The following GRIA4 variants were observed in gnomAD, a reference collection of about 807,000 sequenced individuals.
GRIA4 encodes glutamate receptor 4.
Under a neutral mutation model 104.0 loss-of-function variants are expected in GRIA4, and 34 were observed. The ratio of observed to expected loss-of-function variants is 0.33; its 90% CI spans 0.25 to 0.44. The LOEUF is 0.44. Among genes scored for constraint, GRIA4 ranks in the 20% least tolerant of loss-of-function variants. GRIA4 has a pLI of 1.00. For missense variants in GRIA4, 750 were observed against 1,096.5 expected (o/e 0.68, Z 4.46); for synonymous variants, 386 against 381.9 (o/e 1.01, Z -0.13).
At chr11:105,826,538 T>A (rs1037033160) in intron 4 of GRIA4, among the ~76,000 whole-genome samples, 1 of 152,094 alleles carries the variant, frequency 6.6e-6, no homozygotes, top group African/African-American at 2.4e-5. Context: ...AGGTTTGTCA[T>A]GATAGATTGC....
chr11:105,852,545 T>C (rs1939146), intron 4 of GRIA4, among the ~76,000 whole-genome samples: 86,926 of 151,934 alleles, frequency 0.57, 25,875 homozygotes, highest in African/African-American at 0.76. Context: ...CTACCACTGA[T>C]CCCATCATTT....
In GRIA4 at chr11:105,903,974, T is replaced by C; in HGVS notation, c.1046T>C (p.Leu349Pro). ...WGQGIDMERT[L>P]KQVRIQGLTG... ...CAGGGAATTGACATGGAGAGGACAC[T>C]CAAACAGGTAACTCACAATTTTATT... Residue 349 changes from leucine to proline, a missense_variant, in exon 8 of 17, where the codon CTC becomes CCC. By Grantham distance (98) the Leu-to-Pro change is moderately conservative. Transcript: ENST00000282499. 1 of 1,594,308 alleles carries C rather than the reference T, an allele frequency of 6.3e-7. No homozygotes were observed.
At position 105,931,265 on chromosome 11, in the gene GRIA4, T is replaced by TACACACACAC. The variant is rs373334457; in HGVS notation, c.2047-2428_2047-2419dup. Reference sequence around the variant, plus strand: ...CAGAAGTATCCTGTCATTGCCTAAATACACACACACACACACACACACACA... The same window carrying TACACACACAC: ...CAGAAGTATCCTGTCATTGCCTAAATACACACACACACACACACACACACACACACACACA... On this transcript the variant is annotated intron_variant, in intron 13 of 16. Transcript: ENST00000282499. Among the ~76,000 whole-genome samples, 607 of 143,784 alleles carry TACACACACAC rather than the reference T, an allele frequency of 4.2e-3. 7 individuals are homozygous for TACACACACAC. The highest frequency in any genetic ancestry group is 0.014 in the African/African-American group (563 of 39,432). 94.3% of individuals were successfully genotyped at this position (143,784 alleles called of 152,430 possible).
At chr11:105,971,804 A>G (rs1858709774) in intron 14 of GRIA4, 110 bp from the exon 15 acceptor site, 1 of 648,878 alleles carries the variant, frequency 1.5e-6, no homozygotes, top group Admixed American at 2.3e-5. Context: ...AAGACATAGC[A>G]CCTACTGTGG....
chr11:105,614,617 T>A, intron 3 of GRIA4, among the ~76,000 whole-genome samples: 1 of 152,030 alleles, frequency 6.6e-6, no homozygotes, highest in East Asian at 1.9e-4. Context: ...ATATTTGTTA[T>A]AATCACATAC....
At chr11:105,715,201 T>C (rs928687614) in intron 3 of GRIA4, among the ~76,000 whole-genome samples, 3 of 152,224 alleles carry the variant, frequency 2.0e-5, no homozygotes, top group African/African-American at 7.2e-5. Context: ...ATCATGACAA[T>C]GGTCATAATC....
chr11:105,664,315 C>T (rs150757090), intron 3 of GRIA4, among the ~76,000 whole-genome samples: 31 of 149,538 alleles, frequency 2.1e-4, no homozygotes, highest in Non-Finnish European at 3.3e-4. Flanking sequence ...ATGAACTTGC[C>T]GAGTTTGAGA....
rs34888562 is a variant in GRIA4, at chr11:105,786,144, CA to C, written c.487+32945del. Among the ~76,000 whole-genome samples the C allele has an allele frequency of 9.1e-4, 81 of 89,270 alleles. 1 individual carries two copies. Among genetic ancestry groups the C allele is most frequent in the South Asian group, 1.5e-3 (3 of 2,068 alleles). The allele number at this position is 89,270 out of a possible 152,430, so 58.6% of individuals were successfully genotyped here. On this transcript the variant is annotated intron_variant, in intron 4 of 16. Coordinates refer to ENST00000282499, the MANE Select transcript of GRIA4 (RefSeq NM_000829.4). ...TGGGCGACACAGTGAGACCCTTTCT[CA>C]AAAAAAAAAAAAAAAAAAAAGGAAA...
At chr11:105,800,464 C>G (rs72985126) in intron 4 of GRIA4, among the ~76,000 whole-genome samples, 1 of 151,934 alleles carries the variant, frequency 6.6e-6, no homozygotes, top group African/African-American at 2.4e-5. Context: ...GTCAAGGTAC[C>G]TATGCCTTGG....
intron 4 of GRIA4, among the ~76,000 whole-genome samples, chr11:105,794,473 G>GTATGTATATA (rs1360490604): frequency 5.0e-3 from 221 of 43,812 alleles, no homozygotes; most frequent in Admixed American, 8.6e-3. Flanking sequence ...GTATATGTAT[G>GTATGTATATA]TATATATATA....
intron 14 of GRIA4, among the ~76,000 whole-genome samples, chr11:105,940,943 T>C (rs1249157341): frequency 6.6e-6 from 1 of 152,180 alleles, no homozygotes; most frequent in East Asian, 1.9e-4. Context: ...TGTAGCTCAT[T>C]TATTTTAACA....
intron 3 of GRIA4, among the ~76,000 whole-genome samples, chr11:105,695,918 A>G (rs1953261188): frequency 6.6e-6 from 1 of 152,170 alleles, no homozygotes; most frequent in Non-Finnish European, 1.5e-5. Context: ...CTTGGATCCA[A>G]TTTGTATCCC....
At chr11:105,858,067 C>A (rs943900239) in intron 4 of GRIA4, among the ~76,000 whole-genome samples, 23 of 152,042 alleles carry the variant, frequency 1.5e-4, no homozygotes, top group Admixed American at 9.8e-4. Context: ...TTGATAAAAT[C>A]TTTATGTGAT....
rs370632762 is a variant in GRIA4, at chr11:105,649,105, T to G, written c.247+36671T>G. 4.3e-4 allele frequency among the ~76,000 whole-genome samples: 65 copies of G among 152,280 alleles called. 1 individual carries two copies. In the South Asian group the frequency reaches 0.011, roughly 27 times the overall value. On this transcript the variant is annotated intron_variant, in intron 3 of 16. Transcript: ENST00000282499. ...AGTTCCCTTGCTACTTACAACTCTA[T>G]AAATAAGTCACAATGAAGTTTTCAT...
At chr11:105,762,069 G>C (rs1458534654) in intron 4 of GRIA4, among the ~76,000 whole-genome samples, 2 of 149,470 alleles carry the variant, frequency 1.3e-5, no homozygotes, top group Non-Finnish European at 3.0e-5. Flanking sequence ...TATTGCCCCA[G>C]CTGAAGTGCA....
At chr11:105,772,858 C>T (rs1452590728) in intron 4 of GRIA4, among the ~76,000 whole-genome samples, 1 of 151,700 alleles carries the variant, frequency 6.6e-6, no homozygotes, top group African/African-American at 2.4e-5. Flanking sequence ...AACTAAAGTA[C>T]AGAAAGAAAA....
intron 3 of GRIA4, among the ~76,000 whole-genome samples, chr11:105,732,241 G>A (rs1048916054): frequency 6.6e-5 from 10 of 152,158 alleles, no homozygotes; most frequent in African/African-American, 2.4e-4. Flanking sequence ...AAACAGCAAA[G>A]AGGTCACAAG....
chr11:105,847,199 T>G (rs1196473210), intron 4 of GRIA4, among the ~76,000 whole-genome samples: 1 of 152,200 alleles, frequency 6.6e-6, no homozygotes, highest in African/African-American at 2.4e-5. Context: ...TAGATTCTCA[T>G]GACGAGCACA....
chr11:105,714,808 TGTGTGTGTGTGTTC>T (rs1433011361), intron 3 of GRIA4, among the ~76,000 whole-genome samples: 1 of 151,320 alleles, frequency 6.6e-6, no homozygotes, highest in Non-Finnish European at 1.5e-5. Context: ...CCCAGAAGAG[TGTGTGTGTGTGTTC>T]GTGTGTGTGT....
Sources: gnomAD v4.1 joint callset for allele counts (sites outside exome capture counted in the v4.1 genomes callset) on GRCh38, gnomAD v4.1.1 for gene constraint, MANE v1.5 for transcripts, NCBI Gene and HGNC (gene_info 2026-07-23, HGNC 2026-07-21) for gene names.